The following CCN1 variants were observed in gnomAD, a reference collection of about 807,000 sequenced individuals.
CCN1 encodes the protein cellular communication network factor 1.
A neutral mutation model predicts 38.1 loss-of-function variants in CCN1; 12 were observed. The ratio of observed to expected loss-of-function variants is 0.31; its 90% CI spans 0.20 to 0.51. The LOEUF is 0.51. CCN1 is among the 20% of genes least tolerant of loss of function. The pLI is 0.97. For missense variants in CCN1, 466 were observed against 490.9 expected (o/e 0.95, Z 0.48); for synonymous variants, 202 against 196.1 (o/e 1.03, Z -0.25).
Position 85,582,534 on chromosome 1 carries a change from T to TACC in CCN1, c.755_757dup (p.Thr252dup), listed in dbSNP as rs769402244. 10 of 1,614,202 alleles carry TACC rather than the reference T, an allele frequency of 6.2e-6. No individual in the cohort carries two copies. The highest frequency in any genetic ancestry group is 8.5e-6 in the Non-Finnish European group (10 of 1,180,036). On this transcript the variant is annotated inframe_insertion, in exon 4 of 5. Coordinates refer to ENST00000451137, the MANE Select transcript of CCN1 (RefSeq NM_001554.5). The stretch of plus-strand genomic sequence containing the variant: ...GTGGAACTGGTATCTCCACACGAGT[T>TACC]ACCAATGACAACCCTGAGTGCCGCC...
At position 85,581,380 on chromosome 1, in the gene CCN1, C is replaced by T. The variant is rs766274149; in HGVS notation, c.79C>T (p.Pro27Ser). 1 of 1,594,476 alleles carries T rather than the reference C, an allele frequency of 6.3e-7. No homozygotes were observed. Among genetic ancestry groups the T allele is most frequent in the East Asian group, 2.3e-5 (1 of 43,798 alleles). ...HLTRLALSTC[P>S]AACHCPLEAP... is the part of the protein sequence containing the mutation. The stretch of plus-strand genomic sequence containing the variant: ...CCCCTTCCAGGCGCTCTCCACCTGC[C>T]CCGCTGCCTGCCACTGCCCCCTGGA... The change falls in exon 2 of 5, where the codon CCC becomes TCC. Residue 27 changes from proline (P) to serine (S), a missense_variant. Transcript: ENST00000451137.
chr1:85,581,204 C>A, intron 1 of CCN1, 157 bp downstream of exon 1: 1 of 1,167,610 alleles, frequency 8.6e-7, no homozygotes, highest in South Asian at 1.6e-5. Flanking sequence ...GAAGACGTGT[C>A]GGGACCTCTT....
At position 85,581,539 on chromosome 1, in the gene CCN1, T is replaced by C. The variant is rs1202336910; in HGVS notation, c.238T>C (p.Phe80Leu). 6.2e-7 allele frequency: 1 copy of C among 1,613,992 alleles called. No individual in the cohort carries two copies. Among genetic ancestry groups the C allele is most frequent in the Non-Finnish European group, 8.5e-7 (1 of 1,180,014 alleles). ...CCACACCAAGGGGCTGGAATGCAACTTCGGCGCCAGCTCCACCGCTCTGAA... is the reference window on the plus strand; with the variant it reads ...CCACACCAAGGGGCTGGAATGCAACCTCGGCGCCAGCTCCACCGCTCTGAA... ...CDHTKGLECN[F>L]GASSTALKGI... Residue 80 changes from phenylalanine to leucine, a missense_variant, in exon 2 of 5, where the codon TTC becomes CTC. Around this residue, in one of 3 missense-constraint regions of CCN1, gnomAD observed 146 missense variants for 141.1 expected, o/e 1.03. Coordinates refer to ENST00000451137, the MANE Select transcript of CCN1 (RefSeq NM_001554.5).
At chr1:85,581,702 A>C in intron 2 of CCN1, 124 bp downstream of exon 2, 3 of 1,277,002 alleles carry the variant, frequency 2.3e-6, no homozygotes, top group Non-Finnish European at 3.3e-6. Context: ...AAGGCACATG[A>C]TTTCAGCAGT....
Position 85,583,181 on chromosome 1 carries a change from G to A in CCN1, c.*139G>A, listed in dbSNP as rs565981953. On this transcript the variant is annotated 3_prime_UTR_variant, in exon 5 of 5. Coordinates refer to ENST00000451137, the MANE Select transcript of CCN1 (RefSeq NM_001554.5). ...AGGAAGCCTTGCTCATTCTTGAGGA[G>A]CATTAAGGTATTTCGAAACTGCCAA... 6 of 951,048 alleles carry A rather than the reference G, an allele frequency of 6.3e-6. No individual in the cohort carries two copies. The African/African-American group carries it at 8.2e-5, about 13-fold the overall frequency. The allele number at this position is 951,048 out of a possible 1,614,324, so 58.9% of individuals were successfully genotyped here. A position where few individuals can be genotyped will look rare whatever the true frequency, so the allele number is the denominator to read the frequency against.
chr1:85,582,329 T>A, intron 3 of CCN1, 45 bp downstream of exon 3: 1 of 1,613,584 alleles, frequency 6.2e-7, no homozygotes, highest in Non-Finnish European at 8.5e-7. Context: ...GAGATGCATT[T>A]CTGGTCTAAA....
Position 85,583,302 on chromosome 1 carries a change from G to A in CCN1, c.*260G>A, listed in dbSNP as rs1328879134. On this transcript the variant is annotated 3_prime_UTR_variant, in exon 5 of 5. Transcript: ENST00000451137. Reference sequence around the variant, plus strand: ...ATGTTACTGCTTCATTTTGGAGCTTGTGGAGTTGATGACTTTCTGTTTTCT... The same window carrying A: ...ATGTTACTGCTTCATTTTGGAGCTTATGGAGTTGATGACTTTCTGTTTTCT... 1 of 467,382 alleles carries A rather than the reference G, an allele frequency of 2.1e-6. No individual in the cohort carries two copies. The highest frequency in any genetic ancestry group is 3.8e-6 in the Non-Finnish European group (1 of 266,062). 29.0% of individuals were successfully genotyped at this position (467,382 alleles called of 1,614,324 possible). A position where few individuals can be genotyped will look rare whatever the true frequency, so the allele number is the denominator to read the frequency against.
Position 85,582,482 on chromosome 1 carries a change from C to A in CCN1, c.701C>A (p.Thr234Asn). ...LQGQKCIVQTTSWSQCSKTCG... is the reference protein window; with the variant it reads ...LQGQKCIVQTNSWSQCSKTCG... Reference sequence around the variant, plus strand: ...GGCCAGAAATGTATTGTTCAAACAACTTCATGGTCCCAGTGCTCAAAGACC... The same window carrying A: ...GGCCAGAAATGTATTGTTCAAACAAATTCATGGTCCCAGTGCTCAAAGACC... The change falls in exon 4 of 5, where the codon ACT becomes AAT. Residue 234 changes from threonine to asparagine, a missense_variant. By Grantham distance (65) the Thr-to-Asn change is moderately conservative (BLOSUM62 0). Transcript: ENST00000451137. The A allele has an allele frequency of 6.2e-7, 1 of 1,614,174 alleles. No individual in the cohort carries two copies. Among genetic ancestry groups the A allele is most frequent in the Non-Finnish European group, 8.5e-7 (1 of 1,180,040 alleles).
intron 2 of CCN1, 37 bp from the exon 3 acceptor site, chr1:85,581,891 A>C (rs1419440173): frequency 6.3e-7 from 1 of 1,584,396 alleles, no homozygotes; most frequent in South Asian, 1.1e-5. Context: ...TCTTAACTTT[A>C]TCCCCTTCTA....
intron 2 of CCN1, 173 bp downstream of exon 2, chr1:85,581,751 G>A (rs1388299342): frequency 2.7e-6 from 3 of 1,102,412 alleles, no homozygotes; most frequent in Admixed American, 3.9e-5. Context: ...CAACGAAAGC[G>A]CATACGGAAA....
At position 85,582,779 on chromosome 1, in the gene CCN1, C is replaced by A. The variant is rs1396328556; in HGVS notation, c.883C>A (p.Pro295Thr). 1 of 1,614,210 alleles carries A rather than the reference C, an allele frequency of 6.2e-7. No homozygotes were observed. Among genetic ancestry groups the A allele is most frequent in the Admixed American group, 1.7e-5 (1 of 60,028 alleles). ...KCSKTKKSPE[P>T]VRFTYAGCLS... The stretch of plus-strand genomic sequence containing the variant: ...CAGCAAGACCAAGAAATCCCCCGAA[C>A]CAGTCAGGTTTACTTACGCTGGATG... Residue 295 changes from proline to threonine, a missense_variant, in exon 5 of 5, where the codon CCA (proline) becomes ACA (threonine). Pro to Thr is a conservative substitution (Grantham distance 38, BLOSUM62 -1). Coordinates refer to ENST00000451137, the MANE Select transcript of CCN1 (RefSeq NM_001554.5).
At chr1:85,581,110 C>T in intron 1 of CCN1, 63 bp downstream of exon 1, 2 of 1,520,674 alleles carry the variant, frequency 1.3e-6, no homozygotes, top group Non-Finnish European at 1.8e-6. Flanking sequence ...TCCCCTGGTC[C>T]CAGATTGCCC....
Position 85,582,471 on chromosome 1 carries a change from T to C in CCN1, c.690T>C (p.Ile230=), listed in dbSNP as rs762879999. ...LYNPLQGQKC[I]VQTTSWSQCS... ...ACCCTTTACAAGGCCAGAAATGTAT[T>C]GTTCAAACAACTTCATGGTCCCAGT... Residue 230 remains isoleucine (I), a synonymous_variant, in exon 4 of 5, where the codon ATT becomes ATC. Transcript: ENST00000451137. The C allele has an allele frequency of 3.7e-5, 59 of 1,614,058 alleles. No individual in the cohort carries two copies. Among genetic ancestry groups the C allele is most frequent in the Middle Eastern group, 1.6e-4 (1 of 6,084 alleles).
At position 85,581,027 on chromosome 1, in the gene CCN1, C is replaced by G. The variant is rs758578798; in HGVS notation, c.43C>G (p.Leu15Val). 30 of 1,611,120 alleles carry G rather than the reference C, an allele frequency of 1.9e-5. No homozygotes were observed. The highest frequency in any genetic ancestry group is 1.1e-5 in the South Asian group (1 of 90,356). ...CAGGGCGCTCGCCTTAGTCGTCACC[C>G]TTCTCCACTTGACCAGGCTGGTGAG... ...IARALALVVT[L>V]LHLTRLALST... The change falls in exon 1 of 5, where the codon CTT becomes GTT. Residue 15 changes from leucine to valine, a missense_variant. Coordinates refer to ENST00000451137, the MANE Select transcript of CCN1 (RefSeq NM_001554.5).
chr1:85,582,893 A>T lies in CCN1; in HGVS notation c.997A>T (p.Met333Leu). Residue 333 changes from methionine to leucine, a missense_variant, in exon 5 of 5, where the codon ATG (methionine) becomes TTG (leucine). Around this residue, in one of 3 missense-constraint regions of CCN1, gnomAD observed 309 missense variants for 319.9 expected, o/e 0.97. Coordinates refer to ENST00000451137, the MANE Select transcript of CCN1 (RefSeq NM_001554.5). ...CTPQLTRTVK[M>L]RFRCEDGETF... Reference sequence around the variant, plus strand: ...GCCCCAGCTGACCAGGACTGTGAAGATGCGGTTCCGCTGCGAAGATGGGGA... The same window carrying T: ...GCCCCAGCTGACCAGGACTGTGAAGTTGCGGTTCCGCTGCGAAGATGGGGA... 1 of 1,614,202 alleles carries T rather than the reference A, an allele frequency of 6.2e-7. No homozygotes were observed. The highest frequency in any genetic ancestry group is 8.5e-7 in the Non-Finnish European group (1 of 1,180,036).
chr1:85,581,957 A>G lies in CCN1; in HGVS notation c.307A>G (p.Asn103Asp). Reference protein sequence around the residue: ...AQSEGRPCEYNSRIYQNGESF... With the variant: ...AQSEGRPCEYDSRIYQNGESF... ...GTCAGAGGGCAGACCCTGTGAATAT[A>G]ACTCCAGAATCTACCAAAACGGGGA... The change falls in exon 3 of 5, where the codon AAC becomes GAC. Residue 103 changes from asparagine to aspartate, a missense_variant. By Grantham distance (23) the Asn-to-Asp change is conservative (BLOSUM62 1). Around this residue, in one of 3 missense-constraint regions of CCN1, gnomAD observed 146 missense variants for 141.1 expected, o/e 1.03. Coordinates refer to ENST00000451137, the MANE Select transcript of CCN1 (RefSeq NM_001554.5). The G allele has an allele frequency of 6.2e-7, 1 of 1,614,212 alleles. No homozygotes were observed. The highest frequency in any genetic ancestry group is 1.3e-5 in the African/African-American group (1 of 75,058).
At chr1:85,582,683 C>A (rs1659816958) in intron 4 of CCN1, 57 bp from the exon 5 acceptor site, 15 of 1,612,210 alleles carry the variant, frequency 9.3e-6, no homozygotes, top group Non-Finnish European at 1.3e-5. Context: ...ATGTGAACAT[C>A]TTTTTGAAGA....
At chr1:85,581,862 T>G (rs755719886) in intron 2 of CCN1, 66 bp from the exon 3 acceptor site, 1 of 1,493,358 alleles carries the variant, frequency 6.7e-7, no homozygotes, top group Non-Finnish European at 9.3e-7. Context: ...ATGTATGAGT[T>G]TCAGGCGGTG....
Position 85,581,366 on chromosome 1 carries a change from C to A in CCN1, c.65C>A (p.Ala22Glu), listed in dbSNP as rs1407866901. The change falls in exon 2 of 5, where the codon GCG becomes GAG. Residue 22 changes from alanine to glutamate, a missense_variant and splice_region_variant. Ala to Glu is a moderately radical substitution (Grantham distance 107). This residue lies in a region of CCN1 where 146 missense variants were observed against 141.1 expected (regional missense o/e 1.03). Coordinates refer to ENST00000451137, the MANE Select transcript of CCN1 (RefSeq NM_001554.5). ...ACGCGTATCTTCTCCCCCTTCCAGG[C>A]GCTCTCCACCTGCCCCGCTGCCTGC... ...VVTLLHLTRL[A>E]LSTCPAACHC... 1 of 1,580,458 alleles carries A rather than the reference C, an allele frequency of 6.3e-7. No individual in the cohort carries two copies. The highest frequency in any genetic ancestry group is 8.6e-7 in the Non-Finnish European group (1 of 1,164,886).
Sources: gnomAD v4.1 joint callset for allele counts on GRCh38, gnomAD v4.1.1 for gene constraint, gnomAD v4.1.1 regional missense constraint, MANE v1.5 for transcripts, NCBI Gene and HGNC (gene_info 2026-07-23, HGNC 2026-07-21) for gene names.